Variants in PXDNL observed in about 807,000 individuals in gnomAD.
PXDNL encodes peroxidasin like.
In PXDNL, 145 loss-of-function variants were observed where a neutral mutation model predicts 150.8. That is an observed-to-expected ratio of 0.96 (90% confidence interval 0.84 to 1.10). The LOEUF is 1.10. Ranked by LOEUF, PXDNL falls within the 50% of genes least tolerant of loss-of-function variation. PXDNL has a pLI of 0.00. For missense variants in PXDNL, 2,087 were observed against 1,873.9 expected (o/e 1.11, Z -2.10); for synonymous variants, 757 against 725.7 (o/e 1.04, Z -0.69).
chr8:51,774,131 G>A (rs1207072506), intron 1 of PXDNL, among the ~76,000 whole-genome samples: 3 of 152,172 alleles, frequency 2.0e-5, no homozygotes, highest in Non-Finnish European at 2.9e-5. Flanking sequence ...AATTTTAACT[G>A]TTTAATGGTA....
chr8:51,589,284 G>A (rs1431485470), intron 3 of PXDNL, among the ~76,000 whole-genome samples: 1 of 152,088 alleles, frequency 6.6e-6, no homozygotes, highest in Admixed American at 6.5e-5. Context: ...ATTGAGAGGT[G>A]GATCTGTTGT....
intron 3 of PXDNL, among the ~76,000 whole-genome samples, chr8:51,574,075 A>G (rs993526371): frequency 4.6e-5 from 7 of 152,048 alleles, no homozygotes; most frequent in African/African-American, 1.7e-4. Flanking sequence ...AAAGTAATAC[A>G]GATGACAACA....
At chr8:51,456,945 T>C (rs1007747880) in intron 9 of PXDNL, among the ~76,000 whole-genome samples, 2 of 152,220 alleles carry the variant, frequency 1.3e-5, no homozygotes, top group African/African-American at 4.8e-5. Flanking sequence ...ATCTAATAGA[T>C]GATGGGCTCA....
intron 1 of PXDNL, among the ~76,000 whole-genome samples, chr8:51,695,590 A>G (rs1222949369): frequency 1.3e-5 from 2 of 152,164 alleles, no homozygotes; most frequent in Non-Finnish European, 2.9e-5. Flanking sequence ...CCTCAGAGAC[A>G]ACAATCCATA....
chr8:51,717,193 T>G (rs929338943), intron 1 of PXDNL, among the ~76,000 whole-genome samples: 2 of 152,200 alleles, frequency 1.3e-5, no homozygotes, highest in Non-Finnish European at 2.9e-5. Flanking sequence ...TGTCTCTTCC[T>G]TTTAAAAAGA....
At chr8:51,582,843 T>C (rs1813237877) in intron 3 of PXDNL, among the ~76,000 whole-genome samples, 1 of 152,150 alleles carries the variant, frequency 6.6e-6, no homozygotes, top group Admixed American at 6.5e-5. Flanking sequence ...GTTTATACTC[T>C]ATACTGGCAT....
chr8:51,494,736 T>C (rs1039816659), intron 5 of PXDNL, among the ~76,000 whole-genome samples: 53 of 152,014 alleles, frequency 3.5e-4, no homozygotes, highest in African/African-American at 1.2e-3. Flanking sequence ...CTAACTCTCC[T>C]AAATATATAT....
chr8:51,543,940 T>A (rs1429476792), intron 4 of PXDNL, among the ~76,000 whole-genome samples: 1 of 152,052 alleles, frequency 6.6e-6, no homozygotes, highest in Admixed American at 6.5e-5. Context: ...AGGCAGAAAT[T>A]GTAGATGAGG....
intron 1 of PXDNL, among the ~76,000 whole-genome samples, chr8:51,699,715 T>C (rs1273802055): frequency 6.6e-6 from 1 of 152,200 alleles, no homozygotes; most frequent in African/African-American, 2.4e-5. Context: ...CATGCAACTC[T>C]TCCTTTCACT....
At chr8:51,411,878 A>C (rs11780334) in intron 15 of PXDNL, among the ~76,000 whole-genome samples, 7,472 of 152,240 alleles carry the variant, frequency 0.049, 196 homozygotes, top group East Asian at 0.074. Flanking sequence ...AGTTTCACTG[A>C]GAGCTCTGAC....
intron 4 of PXDNL, among the ~76,000 whole-genome samples, chr8:51,536,633 T>C (rs564504775): frequency 0.019 from 2,886 of 152,174 alleles, 46 homozygotes; most frequent in African/African-American, 0.036. Flanking sequence ...CAGTTTTTTT[T>C]TTTTTTAAAT....
At chr8:51,344,354 A>G (rs1586017682) in intron 20 of PXDNL, among the ~76,000 whole-genome samples, 1 of 152,034 alleles carries the variant, frequency 6.6e-6, no homozygotes, top group Admixed American at 6.6e-5. Context: ...TCCTGGCTTC[A>G]GGTGATGCTC....
At chr8:51,409,661 G>A (rs1158173036) in intron 16 of PXDNL, 100 bp from the exon 17 acceptor site, 47 of 835,912 alleles carry the variant, frequency 5.6e-5, no homozygotes, top group Admixed American at 1.0e-4. Context: ...CACCCCGCCC[G>A]CCCTGAGTGA....
intron 4 of PXDNL, among the ~76,000 whole-genome samples, chr8:51,540,202 T>C (rs1475652528): frequency 6.6e-6 from 1 of 152,118 alleles, no homozygotes. Flanking sequence ...CTGGACCAGT[T>C]ATCTCTCTGG....
At chr8:51,541,941 T>C (rs958979847) in intron 4 of PXDNL, among the ~76,000 whole-genome samples, 4 of 152,162 alleles carry the variant, frequency 2.6e-5, no homozygotes, top group African/African-American at 7.2e-5. Flanking sequence ...TATTCCATCA[T>C]GGTTAAAAGC....
intron 19 of PXDNL, 113 bp downstream of exon 19, chr8:51,371,760 T>C: frequency 1.0e-6 from 1 of 971,584 alleles, no homozygotes; most frequent in Admixed American, 2.1e-5. Flanking sequence ...AGTTCTGTGT[T>C]GTTGGCTTTT....
intron 1 of PXDNL, among the ~76,000 whole-genome samples, chr8:51,696,811 A>T (rs1816150213): frequency 1.6e-5 from 2 of 125,400 alleles, no homozygotes; most frequent in South Asian, 5.0e-4. Context: ...GTCTTCACAC[A>T]CACACACACA....
rs369835525 is a variant in PXDNL, at chr8:51,474,949, T to C, written c.694+23A>G. On this transcript the variant is annotated intron_variant, in intron 7 of 22. Coordinates refer to ENST00000356297, the MANE Select transcript of PXDNL (RefSeq NM_144651.5). ...GCAAATGAGAGACAGTTCTATCTTA[T>C]GTACACATTGAAATTTACGTACGGC... The C allele has an allele frequency of 2.6e-5, 41 of 1,557,320 alleles. No homozygotes were observed. The East Asian group carries it at 5.4e-4, about 21-fold the overall frequency.
At chr8:51,537,108 A>T (rs1195562305) in intron 4 of PXDNL, among the ~76,000 whole-genome samples, 1 of 152,296 alleles carries the variant, frequency 6.6e-6, no homozygotes, top group East Asian at 1.9e-4. Flanking sequence ...TATCTCTAGG[A>T]CATGTAATAC....
Sources: allele counts gnomAD v4.1 joint callset (sites outside exome capture counted in the v4.1 genomes callset), GRCh38; gene constraint gnomAD v4.1.1; transcripts MANE v1.5; gene names NCBI Gene and HGNC (gene_info 2026-07-23, HGNC 2026-07-21).